Variants in CDH13 observed in about 807,000 individuals in gnomAD.
The protein encoded by CDH13 is cadherin 13.
A neutral mutation model predicts 63.8 loss-of-function variants in CDH13; 24 were observed. The ratio of observed to expected loss-of-function variants is 0.38; its 90% confidence interval spans 0.27 to 0.53. The LOEUF (loss-of-function observed/expected upper bound fraction) is 0.53, where lower values mean the gene tolerates loss of function less well. CDH13 is among the 20% of genes least tolerant of loss of function. The pLI is 0.85. For synonymous variants in CDH13, 503 were observed against 355.3 expected (o/e 1.42, Z -4.67); for missense variants, 1,049 against 903.1 (o/e 1.16, Z -2.07).
At chr16:83,359,337 G>C (rs1325443943) in intron 6 of CDH13, among the ~76,000 whole-genome samples, 1 of 152,170 alleles carries the variant, frequency 6.6e-6, no homozygotes, top group African/African-American at 2.4e-5. Context: ...TGGCTGTGAA[G>C]GTTCTGTGAG....
intron 5 of CDH13, among the ~76,000 whole-genome samples, chr16:83,294,035 C>G (rs1300146250): frequency 1.3e-5 from 2 of 152,280 alleles, no homozygotes; most frequent in Non-Finnish European, 1.5e-5. Flanking sequence ...GACATAGCAT[C>G]AAGGATTCCA....
chr16:83,695,165 C>G (rs982799792), intron 10 of CDH13, among the ~76,000 whole-genome samples: 13 of 152,128 alleles, frequency 8.5e-5, no homozygotes. Context: ...CAAGATCATG[C>G]CACTGTACTC....
intron 2 of CDH13, among the ~76,000 whole-genome samples, chr16:83,023,761 T>C (rs1392084212): frequency 6.6e-6 from 1 of 152,168 alleles, no homozygotes; most frequent in Non-Finnish European, 1.5e-5. Flanking sequence ...GTCAATAACA[T>C]GAAACACAAT....
chr16:82,849,776 T>G (rs1198368727), intron 1 of CDH13, among the ~76,000 whole-genome samples: 1 of 152,214 alleles, frequency 6.6e-6, no homozygotes, highest in Non-Finnish European at 1.5e-5. Flanking sequence ...TATTCACCAT[T>G]GCAAACATCT....
intron 5 of CDH13, among the ~76,000 whole-genome samples, chr16:83,267,514 A>C (rs948631536): frequency 2.0e-5 from 3 of 152,182 alleles, no homozygotes; most frequent in Non-Finnish European, 2.9e-5. Flanking sequence ...TGATGATATT[A>C]AGAGGTAAGA....
At chr16:83,766,797 G>A (rs539577932) in intron 11 of CDH13, among the ~76,000 whole-genome samples, 9 of 152,264 alleles carry the variant, frequency 5.9e-5, no homozygotes, top group Non-Finnish European at 1.0e-4. Context: ...CCAGGTGGAG[G>A]TAACTGAATC....
intron 3 of CDH13, among the ~76,000 whole-genome samples, chr16:83,088,673 C>T (rs1446385392): frequency 6.6e-6 from 1 of 152,178 alleles, no homozygotes; most frequent in East Asian, 1.9e-4. Context: ...TTTCCAAAAA[C>T]ATGGGATCTT....
At chr16:82,635,053 A>C (rs1908486691) in intron 1 of CDH13, among the ~76,000 whole-genome samples, 1 of 152,208 alleles carries the variant, frequency 6.6e-6, no homozygotes, top group African/African-American at 2.4e-5. Flanking sequence ...GAGGGAAGAA[A>C]GCCCAGCTGT....
intron 1 of CDH13, among the ~76,000 whole-genome samples, chr16:82,688,143 G>A (rs1430962859): frequency 1.3e-5 from 2 of 152,072 alleles, no homozygotes; most frequent in Non-Finnish European, 2.9e-5. Context: ...AGTAACCACA[G>A]GGTAGTTGCT....
At chr16:83,380,132 G>T (rs1384347133) in intron 6 of CDH13, among the ~76,000 whole-genome samples, 1 of 151,932 alleles carries the variant, frequency 6.6e-6, no homozygotes, top group Non-Finnish European at 1.5e-5. Flanking sequence ...GGATGAGAGT[G>T]GTTGTCATTG....
intron 3 of CDH13, among the ~76,000 whole-genome samples, chr16:83,124,069 G>A (rs1487813931): frequency 6.6e-6 from 1 of 152,016 alleles, no homozygotes; most frequent in Non-Finnish European, 1.5e-5. Flanking sequence ...GTTCTGAGCT[G>A]GAGTCTCGTT....
intron 5 of CDH13, among the ~76,000 whole-genome samples, chr16:83,316,045 C>A (rs920455174): frequency 6.6e-6 from 1 of 152,110 alleles, no homozygotes; most frequent in Admixed American, 6.5e-5. Context: ...AGCTTACAAT[C>A]ATGGTGGAAG....
intron 2 of CDH13, among the ~76,000 whole-genome samples, chr16:82,968,898 T>C (rs911934971): frequency 3.3e-5 from 5 of 152,112 alleles, no homozygotes; most frequent in Non-Finnish European, 2.9e-5. Flanking sequence ...GTGGGGATGA[T>C]TGCTTGAGCT....
At position 82,673,803 on chromosome 16, in the gene CDH13, A is replaced by G. The variant is rs79997643; in HGVS notation, c.45+46666A>G. On this transcript the variant is annotated intron_variant, in intron 1 of 13. Coordinates refer to ENST00000567109, the MANE Select transcript of CDH13 (RefSeq NM_001257.5). ...ACAGGCATGGGTTCTTGACATATGC[A>G]TACAAGCTCATCCATGTGGAAGTGT... Among the ~76,000 whole-genome samples the G allele has an allele frequency of 8.4e-3, 1,283 of 152,332 alleles. 11 individuals are homozygous for G. The highest frequency in any genetic ancestry group is 0.029 in the African/African-American group (1,215 of 41,580).
chr16:82,942,949 G>C (rs775817287), intron 2 of CDH13, among the ~76,000 whole-genome samples: 2 of 152,102 alleles, frequency 1.3e-5, no homozygotes, highest in African/African-American at 4.8e-5. Flanking sequence ...GCTCTACCCC[G>C]TATCCTTGAT....
chr16:83,616,967 G>T (rs1265869599), intron 8 of CDH13, among the ~76,000 whole-genome samples: 3 of 152,118 alleles, frequency 2.0e-5, no homozygotes, highest in East Asian at 1.9e-4. Context: ...CTTCCTTTGT[G>T]CCTGAAAAAT....
At chr16:83,492,815 A>G (rs540935459) in intron 7 of CDH13, among the ~76,000 whole-genome samples, 1 of 152,166 alleles carries the variant, frequency 6.6e-6, no homozygotes. Flanking sequence ...TCCACTCTGG[A>G]TAAATTCTAG....
intron 3 of CDH13, 84 bp downstream of exon 3, chr16:83,032,302 A>T: frequency 1.0e-6 from 1 of 982,438 alleles, no homozygotes; most frequent in Non-Finnish European, 1.5e-6. Flanking sequence ...TCTTTAATTT[A>T]TTATGTTGGC....
At chr16:82,639,478 G>A in intron 1 of CDH13, 2 of 1,504,446 alleles carry the variant, frequency 1.3e-6, no homozygotes, top group Non-Finnish European at 1.8e-6. Flanking sequence ...AAATTTGCCT[G>A]CTGCTGTGTC....
Sources: allele counts gnomAD v4.1 joint callset (sites outside exome capture counted in the v4.1 genomes callset), GRCh38; gene constraint gnomAD v4.1.1; transcripts MANE v1.5; gene names NCBI Gene and HGNC (gene_info 2026-07-23, HGNC 2026-07-21).